Variants in PARPBP observed in about 807,000 individuals in gnomAD.
PARPBP encodes PCNA-interacting partner.
A neutral mutation model predicts 50.0 loss-of-function variants in PARPBP; 52 were observed. The observed-to-expected ratio is 1.04, with a 90% CI of 0.83 to 1.31. The LOEUF (loss-of-function observed/expected upper bound fraction) is 1.31. PARPBP is among the 50% of genes most tolerant of loss of function. The pLI is 0.00. For missense variants in PARPBP, 697 were observed against 672.0 expected, an observed-to-expected ratio of 1.04 and a Z score of -0.41; for synonymous variants, 244 against 232.1, an observed-to-expected ratio of 1.05 and a Z score of -0.47.
At chr12:102,130,711 C>T (rs376575832) in intron 2 of PARPBP, among the ~76,000 whole-genome samples, 26 of 151,340 alleles carry the variant, frequency 1.7e-4, no homozygotes, top group African/African-American at 5.3e-4. Context: ...AAACATTAGC[C>T]GGGCATGGGG....
At chr12:102,127,423 T>C (rs1421174553) in intron 2 of PARPBP, among the ~76,000 whole-genome samples, 2 of 152,026 alleles carry the variant, frequency 1.3e-5, no homozygotes, top group East Asian at 3.9e-4. Flanking sequence ...AGAAATTACA[T>C]TTATGTCATC....
At chr12:102,180,964 G>C (rs1213124227) in intron 8 of PARPBP, among the ~76,000 whole-genome samples, 2 of 152,104 alleles carry the variant, frequency 1.3e-5, no homozygotes, top group African/African-American at 2.4e-5. Flanking sequence ...AGTCAAGGGG[G>C]TTCTAATTCT....
chr12:102,139,209 T>TA (rs1406667075), intron 2 of PARPBP, among the ~76,000 whole-genome samples: 1 of 152,208 alleles, frequency 6.6e-6, no homozygotes, highest in African/African-American at 2.4e-5. Flanking sequence ...TTCACATCCC[T>TA]TGTAAGTTGG....
intron 3 of PARPBP, 43 bp from the exon 4 acceptor site, chr12:102,153,826 G>C (rs376440157): frequency 9.6e-7 from 1 of 1,039,414 alleles, no homozygotes; most frequent in Non-Finnish European, 1.5e-6. Flanking sequence ...ATTTTTTATA[G>C]TCAGCATAGC....
rs998016538 is a variant in PARPBP at position 102,182,708 on chromosome 12, A to G, written c.1263+81A>G. On this transcript the variant is annotated intron_variant, in intron 9 of 10. Transcript: ENST00000327680. ...ATAAATACATGAAGCTGAGCTGGGT[A>G]TTGTAAATATTGTAAACATTGTACA... 1.4e-5 allele frequency: 12 copies of G among 860,662 alleles called. No individual in the cohort carries two copies. In the East Asian group the frequency reaches 2.8e-4, roughly 20 times the overall value. 53.3% of individuals were successfully genotyped at this position (860,662 alleles called of 1,614,324 possible). A position where few individuals can be genotyped will look rare whatever the true frequency, so the allele number is the denominator to read the frequency against.
At chr12:102,176,731 A>T (rs899795668) in intron 7 of PARPBP, among the ~76,000 whole-genome samples, 1 of 152,120 alleles carries the variant, frequency 6.6e-6, no homozygotes, top group African/African-American at 2.4e-5. Flanking sequence ...AATTTTTATT[A>T]TTTATCATTC....
chr12:102,142,899 C>T (rs938320859), intron 2 of PARPBP, among the ~76,000 whole-genome samples: 3 of 152,210 alleles, frequency 2.0e-5, no homozygotes, highest in Non-Finnish European at 4.4e-5. Flanking sequence ...TCAGTCGGCC[C>T]CTACTGGGAG....
At position 102,165,985 on chromosome 12, in the gene PARPBP, C is replaced by G. The variant is rs1207781735; in HGVS notation, c.821+102C>G. On this transcript the variant is annotated intron_variant, in intron 6 of 10. Transcript: ENST00000327680. ...ATATTGAAATGACCAAGCATCAGAC[C>G]AAACGGTGAGGCGAAGAAACAAAAT... 5.8e-5 allele frequency: 43 copies of G among 737,472 alleles called. No individual in the cohort carries two copies. In the South Asian group the frequency reaches 7.8e-4, roughly 13 times the overall value. The allele number at this position is 737,472 out of a possible 1,614,324, so 45.7% of individuals were successfully genotyped here.
chr12:102,160,948 CA>C lies in PARPBP; in HGVS notation c.496-3478del, dbSNP rs879283980. On this transcript the variant is annotated intron_variant, in intron 4 of 10. Coordinates refer to ENST00000327680, the MANE Select transcript of PARPBP (RefSeq NM_017915.5). ...GGGCAACAAGAGGGAAACATCATCT[CA>C]AAAAAAAAAAATATATATATAATCA... Among the ~76,000 whole-genome samples the C allele has an allele frequency of 6.2e-3, 797 of 128,524 alleles. 3 individuals are homozygous for C. The highest frequency in any genetic ancestry group is 0.016 in the African/African-American group (554 of 35,168). 84.3% of individuals were successfully genotyped at this position (128,524 alleles called of 152,430 possible).
chr12:102,169,103 C>G (rs1888434575), intron 6 of PARPBP, among the ~76,000 whole-genome samples: 1 of 152,110 alleles, frequency 6.6e-6, no homozygotes, highest in Admixed American at 6.5e-5. Flanking sequence ...CTGTACTTGA[C>G]TGATTTATAC....
At chr12:102,135,065 A>T (rs1435076473) in intron 2 of PARPBP, among the ~76,000 whole-genome samples, 1 of 152,152 alleles carries the variant, frequency 6.6e-6, no homozygotes, top group Non-Finnish European at 1.5e-5. Flanking sequence ...GCAAAATTTT[A>T]CCTCCACCCT....
chr12:102,174,851 T>C (rs544846812), intron 6 of PARPBP, among the ~76,000 whole-genome samples: 2 of 152,210 alleles, frequency 1.3e-5, no homozygotes, highest in Non-Finnish European at 2.9e-5. Context: ...CTGTTGGCCA[T>C]AGTTGGTCCA....
At chr12:102,170,291 A>G (rs756746864) in intron 6 of PARPBP, among the ~76,000 whole-genome samples, 9 of 152,244 alleles carry the variant, frequency 5.9e-5, no homozygotes, top group Non-Finnish European at 1.2e-4. Flanking sequence ...TGATGAGAAT[A>G]TGCTCTCAGA....
At chr12:102,150,399 T>G (rs1886032521) in intron 3 of PARPBP, 1 of 351,638 alleles carries the variant, frequency 2.8e-6, no homozygotes, top group African/African-American at 2.2e-5. Context: ...CCAAACAGTT[T>G]TGAATGTCAT....
chr12:102,133,179 T>G (rs1177781240), intron 2 of PARPBP, among the ~76,000 whole-genome samples: 1 of 152,146 alleles, frequency 6.6e-6, no homozygotes, highest in African/African-American at 2.4e-5. Context: ...CTTCTAGTAC[T>G]ATGTTGAATA....
At chr12:102,191,937 A>G (rs1160877381) in intron 9 of PARPBP, among the ~76,000 whole-genome samples, 1 of 152,146 alleles carries the variant, frequency 6.6e-6, no homozygotes, top group African/African-American at 2.4e-5. Flanking sequence ...TGTGATTCCA[A>G]ATCAAATACA....
At chr12:102,182,431 C>T in intron 8 of PARPBP, 118 bp from the exon 9 acceptor site, 1 of 668,364 alleles carries the variant, frequency 1.5e-6, no homozygotes, top group Non-Finnish European at 2.6e-6. Flanking sequence ...GAGGTAACCC[C>T]ATCATAAGTT....
chr12:102,132,055 T>G (rs1266071358), intron 2 of PARPBP, among the ~76,000 whole-genome samples: 1 of 151,964 alleles, frequency 6.6e-6, no homozygotes, highest in Non-Finnish European at 1.5e-5. Flanking sequence ...AATACACAAA[T>G]TAGCCAGGCC....
chr12:102,135,046 G>A (rs538296470), intron 2 of PARPBP, among the ~76,000 whole-genome samples: 2 of 152,210 alleles, frequency 1.3e-5, no homozygotes, highest in East Asian at 1.9e-4. Flanking sequence ...TGTTGGTACT[G>A]TAAGGGAGGC....
Sources: gnomAD v4.1 joint callset for allele counts (sites outside exome capture counted in the v4.1 genomes callset) on GRCh38, gnomAD v4.1.1 for gene constraint, MANE v1.5 for transcripts, NCBI Gene and HGNC (gene_info 2026-07-23, HGNC 2026-07-21) for gene names.